FUCA1: variants seen among roughly 807,000 people sequenced by gnomAD.
FUCA1 encodes the protein tissue alpha-L-fucosidase.
FUCA1 carries 52 observed loss-of-function variants against 56.8 expected under a neutral mutation model. That is an observed-to-expected ratio of 0.92 (90% CI 0.73 to 1.15). The LOEUF (loss-of-function observed/expected upper bound fraction) is 1.15. Among genes scored for constraint, FUCA1 ranks in the 50% most tolerant of loss-of-function variants. The pLI is 0.00. For missense variants in FUCA1, 568 were observed against 592.6 expected (o/e 0.96, Z 0.43); for synonymous variants, 230 against 226.6 (o/e 1.02, Z -0.14).
intron 1 of FUCA1, among the ~76,000 whole-genome samples, chr1:23,866,105 G>A (rs989838407): frequency 1.3e-5 from 2 of 152,136 alleles, no homozygotes; most frequent in South Asian, 4.1e-4. Flanking sequence ...TGAGGTCAGG[G>A]GTTCAAGACC....
intron 5 of FUCA1, 91 bp from the exon 6 acceptor site, chr1:23,848,930 C>T (rs1200694037): frequency 2.7e-6 from 3 of 1,108,026 alleles, no homozygotes; most frequent in Non-Finnish European, 2.7e-6. Flanking sequence ...GAATCTAGGG[C>T]ACACTCTGTT....
In FUCA1 at chr1:23,863,225, G is replaced by T; in HGVS notation, c.571C>A (p.Pro191Thr). 1 of 1,613,728 alleles carries T rather than the reference G, an allele frequency of 6.2e-7. No homozygotes were observed. The highest frequency in any genetic ancestry group is 8.5e-7 in the Non-Finnish European group (1 of 1,179,840). ...TTTTTCTTATCAAGTAGATAGAGTG[G>T]ATGGAACCACTCTAAGAGTGAGTGG... ...LYHSLLEWFH[P>T]LYLLDKKNGF... is the part of the protein sequence containing the mutation. Residue 191 changes from proline (P) to threonine (T), a missense_variant, in exon 3 of 8, where the codon CCA (proline) becomes ACA (threonine). Physicochemically the swap from Pro to Thr is conservative, Grantham distance 38 (BLOSUM62 -1). Coordinates refer to ENST00000374479, the MANE Select transcript of FUCA1 (RefSeq NM_000147.5).
rs1260873426 is a variant in FUCA1, at chr1:23,857,284, C to T, written c.768+2514G>A. On this transcript the variant is annotated intron_variant, in intron 4 of 7. Coordinates refer to ENST00000374479, the MANE Select transcript of FUCA1 (RefSeq NM_000147.5). ...CTTGGTTCAACACCCACCTACTTTTCCTATTTATTCAGCAACTACCATGAG... is the reference window on the plus strand; with the variant it reads ...CTTGGTTCAACACCCACCTACTTTTTCTATTTATTCAGCAACTACCATGAG... 4.6e-5 allele frequency among the ~76,000 whole-genome samples: 7 copies of T among 152,266 alleles called. No individual in the cohort carries two copies. The East Asian group carries it at 9.6e-4, about 21-fold the overall frequency.
At position 23,848,671 on chromosome 1, in the gene FUCA1, C is replaced by T; in HGVS notation, c.1138G>A (p.Glu380Lys). 6.2e-7 allele frequency: 1 copy of T among 1,614,132 alleles called. No individual in the cohort carries two copies. Among genetic ancestry groups the T allele is most frequent in the Non-Finnish European group, 8.5e-7 (1 of 1,180,012 alleles). The change falls in exon 6 of 8, where the codon GAA becomes AAA. Residue 380 changes from glutamate to lysine, a missense_variant. Glu to Lys is a moderately conservative substitution (Grantham distance 56, BLOSUM62 1). Coordinates refer to ENST00000374479, the MANE Select transcript of FUCA1 (RefSeq NM_000147.5). The part of the protein sequence containing the change: ...YASKPWRVQW[E>K]KNTTSVWYTS... Reference sequence around the variant, plus strand: ...CACCATACAGATGTTGTGTTCTTTTCCCATTGCACCCGCCATGGTTTGGAG... The same window carrying T: ...CACCATACAGATGTTGTGTTCTTTTTCCATTGCACCCGCCATGGTTTGGAG...
chr1:23,859,781 G>A lies in FUCA1; in HGVS notation c.768+17C>T, dbSNP rs2148445970. The A allele has an allele frequency of 6.7e-7, 1 of 1,501,766 alleles. No individual in the cohort carries two copies. The highest frequency in any genetic ancestry group is 9.3e-7 in the Non-Finnish European group (1 of 1,077,862). 93.0% of individuals were successfully genotyped at this position (1,501,766 alleles called of 1,614,324 possible). On this transcript the variant is annotated intron_variant, in intron 4 of 7. Transcript: ENST00000374479. The stretch of plus-strand genomic sequence containing the variant: ...TTTCTTCATAGGAGATAAATAAGAA[G>A]TCATATAATCACATACCTTGACAGG...
intron 4 of FUCA1, among the ~76,000 whole-genome samples, chr1:23,858,534 C>G (rs111535994): frequency 2.6e-5 from 4 of 152,330 alleles, no homozygotes; most frequent in African/African-American, 9.6e-5. Context: ...AAAATACAAA[C>G]TGTAAATGGG....
chr1:23,845,745 A>G lies in FUCA1; in HGVS notation c.1371T>C (p.Ala457=), dbSNP rs370186233. ...TCACTCCTGTCAGCTTTATAGTCCA[A>G]GCAAACTCTGCGGGGACAGCAGAGG... ...LPPSAVPAEF[A]WTIKLTGVK is the part of the protein sequence containing the mutation. The change falls in exon 8 of 8, where the codon GCT becomes GCC. Residue 457 remains alanine, a synonymous_variant. Transcript: ENST00000374479. 6.2e-7 allele frequency: 1 copy of G among 1,614,220 alleles called. No homozygotes were observed. Among genetic ancestry groups the G allele is most frequent in the Non-Finnish European group, 8.5e-7 (1 of 1,180,028 alleles).
rs553138426 is a variant in FUCA1 at position 23,867,884 on chromosome 1, G to A, written c.389+14C>T. 2.5e-4 allele frequency: 384 copies of A among 1,541,750 alleles called. No homozygotes were observed. In the African/African-American group the frequency reaches 5.0e-3, roughly 20 times the overall value. On this transcript the variant is annotated intron_variant, in intron 1 of 7. Transcript: ENST00000374479. The surrounding 1 kb of genome is among the most constrained non-coding windows in gnomAD (Gnocchi z 4.9). ...GAGCCGGGAAGGGGCGCCGCTCCCC[G>A]GGACCACACTCACTTGGCGCCCGCG...
Position 23,859,787 on chromosome 1 carries a change from T to TA in FUCA1, c.768+10dup. The TA allele has an allele frequency of 6.4e-7, 1 of 1,555,040 alleles. No homozygotes were observed. Among genetic ancestry groups the TA allele is most frequent in the Non-Finnish European group, 8.9e-7 (1 of 1,126,362 alleles). ...CATAGGAGATAAATAAGAAGTCATA[T>TA]AATCACATACCTTGACAGGGCTGTC... On this transcript the variant is annotated intron_variant, in intron 4 of 7. Coordinates refer to ENST00000374479, the MANE Select transcript of FUCA1 (RefSeq NM_000147.5).
intron 5 of FUCA1, 24 bp from the exon 6 acceptor site, chr1:23,848,863 A>C (rs1267342566): frequency 6.2e-7 from 1 of 1,603,720 alleles, no homozygotes. Context: ...AAACAATGAA[A>C]GTCTAGCTAT....
At chr1:23,854,970 C>A (rs1282484713) in intron 4 of FUCA1, among the ~76,000 whole-genome samples, 1 of 152,066 alleles carries the variant, frequency 6.6e-6, no homozygotes, top group East Asian at 1.9e-4. Context: ...AGGAGAGGAC[C>A]TGCCTGGGGC....
intron 2 of FUCA1, among the ~76,000 whole-genome samples, chr1:23,864,922 C>T (rs1458986237): frequency 6.6e-6 from 1 of 152,084 alleles, no homozygotes; most frequent in Admixed American, 6.6e-5. Flanking sequence ...TCAGGTTGGT[C>T]TTGAACTCCT....
rs1456475054 is a variant in FUCA1 at position 23,845,975 on chromosome 1, G to A, written c.1260+99C>T. On this transcript the variant is annotated intron_variant, in intron 7 of 7. Coordinates refer to ENST00000374479, the MANE Select transcript of FUCA1 (RefSeq NM_000147.5). ...GGGCAGGAAAGCCAGTCTAAAAGAG[G>A]TGTGAATATGGGAGAAACCTGGCAG... 5 of 1,502,764 alleles carry A rather than the reference G, an allele frequency of 3.3e-6. No homozygotes were observed. In the African/African-American group the frequency reaches 6.9e-5, roughly 21 times the overall value. 93.1% of individuals were successfully genotyped at this position (1,502,764 alleles called of 1,614,324 possible).
rs769555043 is a variant in FUCA1 at position 23,868,279 on chromosome 1, G to T, written c.8C>A (p.Ala3Asp). MR[A>D]PGMRSRPAGP... ...CGCCGGCCGCGACCTCATCCCCGGA[G>T]CCCGCATCGCTACCCCTCAGCGACG... Residue 3 changes from alanine (A) to aspartate (D), a missense_variant, in exon 1 of 8, where the codon GCT becomes GAT. Coordinates refer to ENST00000374479, the MANE Select transcript of FUCA1 (RefSeq NM_000147.5). 32 of 1,549,788 alleles carry T rather than the reference G, an allele frequency of 2.1e-5. No individual in the cohort carries two copies. The highest frequency in any genetic ancestry group is 1.9e-4 in the Middle Eastern group (1 of 5,152).
intron 3 of FUCA1, among the ~76,000 whole-genome samples, chr1:23,862,258 C>G (rs1260605705): frequency 1.3e-5 from 2 of 152,210 alleles, no homozygotes; most frequent in African/African-American, 4.8e-5. Context: ...AACTGCCTCC[C>G]TGGTTCAAGA....
Position 23,867,078 on chromosome 1 carries a change from G to GC in FUCA1, c.389+819dup, listed in dbSNP as rs1390849980. 1.3e-5 allele frequency among the ~76,000 whole-genome samples: 2 copies of GC among 152,122 alleles called. No individual in the cohort carries two copies. Among genetic ancestry groups the GC allele is most frequent in the Non-Finnish European group, 2.9e-5 (2 of 68,004 alleles). On this transcript the variant is annotated intron_variant, in intron 1 of 7. Transcript: ENST00000374479. This position sits in a 1 kb window ranked among gnomAD's most constrained non-coding sequence, Gnocchi z 4.9. ...AGCCAGGGGCTGGGGAAACCTCCCC[G>GC]CCTCCATTTTTACTCTTCTCCAACC...
intron 5 of FUCA1, among the ~76,000 whole-genome samples, chr1:23,853,664 C>T (rs1407106667): frequency 6.7e-6 from 1 of 150,126 alleles, no homozygotes; most frequent in East Asian, 2.0e-4. Context: ...GGATGGTTGC[C>T]GTGTCTGTGT....
Position 23,854,381 on chromosome 1 carries a change from T to C in FUCA1, c.948A>G (p.Thr316=). 2 of 1,613,656 alleles carry C rather than the reference T, an allele frequency of 1.2e-6. No individual in the cohort carries two copies. The highest frequency in any genetic ancestry group is 1.7e-6 in the Non-Finnish European group (2 of 1,179,952). ...TTACCGAAATGATTTCAGATTCTTCTGTAACATCAGACAATGCCATGTCAC... is the reference window on the plus strand; with the variant it reads ...TTACCGAAATGATTTCAGATTCTTCCGTAACATCAGACAATGCCATGTCAC... The part of the protein sequence containing the change: ...YRRDMALSDV[T]EESEIISELV... The change falls in exon 5 of 8, where the codon ACA becomes ACG. Residue 316 remains threonine, a synonymous_variant. Coordinates refer to ENST00000374479, the MANE Select transcript of FUCA1 (RefSeq NM_000147.5).
chr1:23,859,584 AC>A (rs1236628835), intron 4 of FUCA1, among the ~76,000 whole-genome samples: 9 of 151,568 alleles, frequency 5.9e-5, no homozygotes, highest in Non-Finnish European at 1.0e-4. Flanking sequence ...AAAAAAAAAA[AC>A]AACACTAAAG....
Sources: gnomAD v4.1 joint callset for allele counts (sites outside exome capture counted in the v4.1 genomes callset) on GRCh38, gnomAD v4.1.1 for gene constraint, Gnocchi (gnomAD v3.1) non-coding constraint, MANE v1.5 for transcripts, NCBI Gene and HGNC (gene_info 2026-07-23, HGNC 2026-07-21) for gene names.